Variants in TENM4 observed in about 807,000 individuals in gnomAD.
The protein encoded by TENM4 is teneurin transmembrane protein 4.
A neutral mutation model predicts 243.3 loss-of-function variants in TENM4; 82 were observed. The ratio of observed to expected loss-of-function variants is 0.34; its 90% CI spans 0.28 to 0.40. The LOEUF (loss-of-function observed/expected upper bound fraction) is 0.40, where lower values mean the gene tolerates loss of function less well. Ranked by LOEUF, TENM4 falls within the 10% of genes least tolerant of loss-of-function variation. The pLI, the probability that TENM4 is intolerant of heterozygous loss-of-function variation, is 1.00. For missense variants in TENM4, 3,138 were observed against 3,673.3 expected (o/e 0.85, Z 3.77); for synonymous variants, 1,412 against 1,456.3 (o/e 0.97, Z 0.69).
rs200276676 is a variant in TENM4 at position 79,373,294 on chromosome 11, A to ATGGCTGGC, written c.-321+67207_-321+67214dup. Reference sequence around the variant, plus strand: ...TGTAGATGGATGCATGGGTGGATAGATGGCTGGCTGGCTGGCTGGCTGGCT... The same window carrying ATGGCTGGC: ...TGTAGATGGATGCATGGGTGGATAGATGGCTGGCTGGCTGGCTGGCTGGCTGGCTGGCT... On this transcript the variant is annotated intron_variant, in intron 1 of 33. Transcript: ENST00000278550. 2.5e-3 allele frequency among the ~76,000 whole-genome samples: 374 copies of ATGGCTGGC among 149,734 alleles called. 2 individuals are homozygous for ATGGCTGGC. The highest frequency in any genetic ancestry group is 7.2e-3 in the African/African-American group (291 of 40,340).
intron 6 of TENM4, among the ~76,000 whole-genome samples, chr11:78,967,931 T>G (rs1857470208): frequency 6.6e-6 from 1 of 152,190 alleles, no homozygotes; most frequent in African/African-American, 2.4e-5. Flanking sequence ...GTGATACAGT[T>G]TGGATACCTG....
intron 6 of TENM4, among the ~76,000 whole-genome samples, chr11:78,948,878 ATTG>A (rs1591155023): frequency 6.6e-6 from 1 of 152,066 alleles, no homozygotes. Context: ...GATGTGTCTG[ATTG>A]TTTTCTCATA....
chr11:78,944,145 G>A (rs988466783), intron 6 of TENM4, among the ~76,000 whole-genome samples: 4 of 152,190 alleles, frequency 2.6e-5, no homozygotes, highest in Non-Finnish European at 2.9e-5. Context: ...ACTAGTGAGA[G>A]GCAGAACTGG....
rs917339364 is a variant in TENM4, at chr11:78,868,109, G to A, written c.1085-4977C>T. On this transcript the variant is annotated intron_variant, in intron 9 of 33. Transcript: ENST00000278550. The stretch of plus-strand genomic sequence containing the variant: ...AAAAAAAAAGCTAACAAATATAAAC[G>A]GTTCTCCCCAGCCTGCTAAGGATAG... Among the ~76,000 whole-genome samples, 4 of 144,170 alleles carry A rather than the reference G, an allele frequency of 2.8e-5. No homozygotes were observed. In the South Asian group the frequency reaches 6.6e-4, roughly 24 times the overall value. 94.6% of individuals were successfully genotyped at this position (144,170 alleles called of 152,430 possible).
intron 15 of TENM4, among the ~76,000 whole-genome samples, chr11:78,788,059 A>G (rs79598968): frequency 6.6e-6 from 1 of 152,244 alleles, no homozygotes; most frequent in East Asian, 1.9e-4. Flanking sequence ...ACATGCTTCA[A>G]ATTCACATGA....
rs576852720 is a variant in TENM4 at position 78,753,362 on chromosome 11, A to T, written c.2756+3443T>A. Among the ~76,000 whole-genome samples, 13 of 152,314 alleles carry T rather than the reference A, an allele frequency of 8.5e-5. No homozygotes were observed. The South Asian group carries it at 2.7e-3, about 32-fold the overall frequency. On this transcript the variant is annotated intron_variant, in intron 19 of 33. Transcript: ENST00000278550. ...CCTGAGGTCACACACAGCTAGTGGGAGGTAAAGCCAGGATTGTAACTCTGG... is the reference window on the plus strand; with the variant it reads ...CCTGAGGTCACACACAGCTAGTGGGTGGTAAAGCCAGGATTGTAACTCTGG...
intron 1 of TENM4, among the ~76,000 whole-genome samples, chr11:79,354,907 T>C (rs1857471516): frequency 6.6e-6 from 1 of 152,232 alleles, no homozygotes; most frequent in South Asian, 2.1e-4. Context: ...GTTGGTAGGT[T>C]ATGAAGAATT....
At chr11:78,796,900 C>T (rs1293900327) in intron 15 of TENM4, among the ~76,000 whole-genome samples, 1 of 152,236 alleles carries the variant, frequency 6.6e-6, no homozygotes, top group Non-Finnish European at 1.5e-5. Flanking sequence ...ACCTCCACCA[C>T]CACCTTGAAT....
At chr11:79,285,252 T>TA (rs71465986) in intron 2 of TENM4, among the ~76,000 whole-genome samples, 44,611 of 146,616 alleles carry the variant, frequency 0.3, 6,879 homozygotes, top group East Asian at 0.56. Flanking sequence ...AATAAATAAA[T>TA]AAAAAAAAAG....
intron 9 of TENM4, among the ~76,000 whole-genome samples, chr11:78,870,168 T>C (rs1039003591): frequency 6.6e-6 from 1 of 152,236 alleles, no homozygotes; most frequent in African/African-American, 2.4e-5. Context: ...AATGAGATAA[T>C]GTAATTTGCT....
intron 4 of TENM4, among the ~76,000 whole-genome samples, chr11:79,145,600 C>A (rs530519024): frequency 6.6e-6 from 1 of 152,090 alleles, no homozygotes; most frequent in Non-Finnish European, 1.5e-5. Context: ...CATTCCAGGG[C>A]TGATGGCCAT....
intron 19 of TENM4, among the ~76,000 whole-genome samples, chr11:78,754,244 C>G (rs985569940): frequency 1.3e-5 from 2 of 152,222 alleles, no homozygotes; most frequent in African/African-American, 4.8e-5. Context: ...TGGCCTCTCT[C>G]TGAGGCCTGT....
chr11:78,991,018 T>G (rs777712596), intron 6 of TENM4, among the ~76,000 whole-genome samples: 1 of 152,188 alleles, frequency 6.6e-6, no homozygotes, highest in African/African-American at 2.4e-5. Context: ...TGATAAATGC[T>G]GCATAGGTGA....
At chr11:78,921,628 C>G (rs988605818) in intron 6 of TENM4, among the ~76,000 whole-genome samples, 1 of 152,194 alleles carries the variant, frequency 6.6e-6, no homozygotes, top group Non-Finnish European at 1.5e-5. Context: ...AGTAGACTGA[C>G]AGGGAAGGCC....
rs1176833622 is a variant in TENM4, at chr11:79,268,031, A to C, written c.-265+29457T>G. ...CTTTAAACTTCTTAACATCAGTGTAAAGAAGGAAATATAATCAGGTATAAA... is the reference window on the plus strand; with the variant it reads ...CTTTAAACTTCTTAACATCAGTGTACAGAAGGAAATATAATCAGGTATAAA... On this transcript the variant is annotated intron_variant, in intron 2 of 33. Coordinates refer to ENST00000278550, the MANE Select transcript of TENM4 (RefSeq NM_001098816.3). 4.6e-5 allele frequency among the ~76,000 whole-genome samples: 7 copies of C among 152,252 alleles called. No individual in the cohort carries two copies. In the South Asian group the frequency reaches 1.2e-3, roughly 27 times the overall value.
intron 6 of TENM4, among the ~76,000 whole-genome samples, chr11:79,063,023 G>A (rs1242527592): frequency 6.6e-6 from 1 of 152,104 alleles, no homozygotes; most frequent in Non-Finnish European, 1.5e-5. Flanking sequence ...ACAGTGCTAA[G>A]CCACTACCCA....
chr11:79,267,655 C>A (rs1489454703), intron 2 of TENM4, among the ~76,000 whole-genome samples: 1 of 152,136 alleles, frequency 6.6e-6, no homozygotes, highest in Non-Finnish European at 1.5e-5. Context: ...CTCTCTTAAC[C>A]TATACAATAT....
At chr11:79,437,550 C>T (rs1322436670) in intron 1 of TENM4, among the ~76,000 whole-genome samples, 1 of 152,228 alleles carries the variant, frequency 6.6e-6, no homozygotes, top group African/African-American at 2.4e-5. Flanking sequence ...CGCACCGCTG[C>T]TCCGGCCACC....
At chr11:79,139,072 A>AATATATAAC (rs1862201355) in intron 4 of TENM4, among the ~76,000 whole-genome samples, 2 of 30,158 alleles carry the variant, frequency 6.6e-5, no homozygotes, top group Non-Finnish European at 9.6e-5. Context: ...TATTTCTATA[A>AATATATAAC]ATATATATTA....
Sources: allele counts gnomAD v4.1 joint callset (sites outside exome capture counted in the v4.1 genomes callset), GRCh38; gene constraint gnomAD v4.1.1; transcripts MANE v1.5; gene names NCBI Gene and HGNC (gene_info 2026-07-23, HGNC 2026-07-21).